Variants in SH3BP4 observed in about 807,000 individuals in gnomAD.
SH3BP4 encodes SH3 domain binding protein 4, also known as SH3 domain-binding protein 4.
In SH3BP4, 33 loss-of-function variants were observed where a neutral mutation model predicts 65.5. That is an observed-to-expected ratio of 0.50 (90% CI 0.38 to 0.67). The LOEUF (loss-of-function observed/expected upper bound fraction) is 0.67. SH3BP4 is among the 30% of genes least tolerant of loss of function. The probability of loss-of-function intolerance (pLI) is 0.00; values close to 1 mark genes in which losing one functional copy is unlikely to be tolerated. For missense variants in SH3BP4, 1,134 were observed against 1,261.4 expected (o/e 0.90, Z 1.53); for synonymous variants, 552 against 545.5 (o/e 1.01, Z -0.17).
rs1291942729 is a variant in SH3BP4 at position 234,991,467 on chromosome 2, GT to G, written c.-206-3831del. Among the ~76,000 whole-genome samples, 1 of 152,198 alleles carries G rather than the reference GT, an allele frequency of 6.6e-6. No homozygotes were observed. The highest frequency in any genetic ancestry group is 6.5e-5 in the Admixed American group (1 of 15,288). The stretch of plus-strand genomic sequence containing the variant: ...AGAATCTTGTCTTCTTGGCATTGTG[GT>G]TTTTGGAGATTTGCCCCAAATCATG... On this transcript the variant is annotated intron_variant, in intron 1 of 5. Transcript: ENST00000392011. The surrounding 1 kb of genome is among the most constrained non-coding windows in gnomAD (Gnocchi z 4.2).
chr2:235,053,429 G>T (rs1474685786), intron 5 of SH3BP4, among the ~76,000 whole-genome samples, 163 bp from the exon 6 acceptor site: 1 of 152,198 alleles, frequency 6.6e-6, no homozygotes. Flanking sequence ...CCCTGGCCCC[G>T]AGATGGTTCC....
At chr2:234,961,356 C>G (rs1692703886) in intron 1 of SH3BP4, among the ~76,000 whole-genome samples, 1 of 152,168 alleles carries the variant, frequency 6.6e-6, no homozygotes, top group South Asian at 2.1e-4. Flanking sequence ...ACTGAAATCT[C>G]CACCCACTGA....
intron 2 of SH3BP4, among the ~76,000 whole-genome samples, chr2:235,027,162 TGGGAGGGACACCAGTCG>T (rs995278938): frequency 1.3e-5 from 2 of 152,230 alleles, no homozygotes; most frequent in African/African-American, 2.4e-5. Flanking sequence ...AGAAGCATCC[TGGGAGGGACACCAGTCG>T]GGTGTTGACT....
chr2:235,041,560 G>A lies in SH3BP4; in HGVS notation c.791G>A (p.Ser264Asn), dbSNP rs1010631072. The A allele has an allele frequency of 3.1e-6, 5 of 1,614,128 alleles. No homozygotes were observed. The Admixed American group carries it at 8.3e-5, about 27-fold the overall frequency. ...AAGTCCGATGCTCCCACATCGTCGAGTTTCTTCACCGGCTTGAAATCACCT... is the reference window on the plus strand; with the variant it reads ...AAGTCCGATGCTCCCACATCGTCGAATTTCTTCACCGGCTTGAAATCACCT... ...QAKSDAPTSSSFFTGLKSPAP... is the reference protein window; with the variant it reads ...QAKSDAPTSSNFFTGLKSPAP... Residue 264 changes from serine (S) to asparagine (N), a missense_variant, in exon 4 of 6, where the codon AGT (serine) becomes AAT (asparagine). By Grantham distance (46) the Ser-to-Asn change is conservative. Coordinates refer to ENST00000392011, the MANE Select transcript of SH3BP4 (RefSeq NM_014521.3). This position sits in a 1 kb window ranked among gnomAD's most constrained non-coding sequence, Gnocchi z 6.0.
rs146743276 is a variant in SH3BP4, at chr2:235,015,441, C to T, written c.-132-19430C>T. ...GGAGCCCTCGCTGCTGTTGTCCCTC[C>T]CTATGGTCGATGGGGACAGTGAGGC... is the stretch of plus-strand genomic sequence containing the variant. On this transcript the variant is annotated intron_variant, in intron 2 of 5. Coordinates refer to ENST00000392011, the MANE Select transcript of SH3BP4 (RefSeq NM_014521.3). Among the ~76,000 whole-genome samples the T allele has an allele frequency of 4.9e-4, 75 of 152,322 alleles. No individual in the cohort carries two copies. In the East Asian group the frequency reaches 0.013, roughly 27 times the overall value.
At chr2:235,012,706 C>T (rs1351462784) in intron 2 of SH3BP4, among the ~76,000 whole-genome samples, 2 of 152,230 alleles carry the variant, frequency 1.3e-5, no homozygotes. Flanking sequence ...GCATTACGCA[C>T]ATCTAACCCT....
chr2:235,043,393 C>T, intron 4 of SH3BP4, 146 bp downstream of exon 4: 3 of 560,168 alleles, frequency 5.4e-6, no homozygotes, highest in Non-Finnish European at 9.5e-6. Flanking sequence ...GAGATAGGTG[C>T]GGCTCAGCAC....
At position 235,053,850 on chromosome 2, in the gene SH3BP4, C is replaced by T. The variant is rs1278804770; in HGVS notation, c.*34C>T. On this transcript the variant is annotated 3_prime_UTR_variant, in exon 6 of 6. Coordinates refer to ENST00000392011, the MANE Select transcript of SH3BP4 (RefSeq NM_014521.3). ...CCTCCCCTCCTGCTGCTCTGGAGTG[C>T]AAGCCCTCTTCTGCCCTGCGTGCCC... The T allele has an allele frequency of 1.3e-6, 2 of 1,516,834 alleles. No homozygotes were observed. The highest frequency in any genetic ancestry group is 1.8e-6 in the Non-Finnish European group (2 of 1,091,640). The allele number at this position is 1,516,834 out of a possible 1,614,324, so 94.0% of individuals were successfully genotyped here. A position where few individuals can be genotyped will look rare whatever the true frequency, so the allele number is the denominator to read the frequency against.
chr2:234,971,807 CTTTTTCTT>C (rs1476133419), intron 1 of SH3BP4, among the ~76,000 whole-genome samples: 1 of 151,974 alleles, frequency 6.6e-6, no homozygotes, highest in African/African-American at 2.4e-5. Flanking sequence ...TAAAGTTTTC[CTTTTTCTT>C]TTTTTCTTTT....
chr2:234,957,233 G>A (rs184196258), intron 1 of SH3BP4, among the ~76,000 whole-genome samples: 169 of 152,184 alleles, frequency 1.1e-3, no homozygotes, highest in African/African-American at 4.0e-3. Context: ...TGGCTAGGCT[G>A]GTCTTGAACT....
chr2:235,018,933 T>C (rs943551297), intron 2 of SH3BP4, among the ~76,000 whole-genome samples: 1 of 152,140 alleles, frequency 6.6e-6, no homozygotes, highest in Non-Finnish European at 1.5e-5. Flanking sequence ...AGTGGTCAGA[T>C]AGACCTTTCT....
chr2:234,959,715 G>T (rs1336201912), intron 1 of SH3BP4, among the ~76,000 whole-genome samples: 1 of 147,778 alleles, frequency 6.8e-6, no homozygotes, highest in Non-Finnish European at 1.5e-5. Flanking sequence ...GCAATGGCAC[G>T]ATCTCGGCTG....
rs1259091447 is a variant in SH3BP4 at position 235,053,953 on chromosome 2, C to T, written c.*137C>T. The T allele has an allele frequency of 3.1e-6, 2 of 653,082 alleles. No individual in the cohort carries two copies. Among genetic ancestry groups the T allele is most frequent in the Non-Finnish European group, 2.6e-6 (1 of 377,470 alleles). The allele number at this position is 653,082 out of a possible 1,614,324, so 40.5% of individuals were successfully genotyped here. A position where few individuals can be genotyped will look rare whatever the true frequency, so the allele number is the denominator to read the frequency against. ...TTAGGGCCCGCCAGCTAGGCTACACCCATCATGCGCCGCCCTCCTCCATCG... is the reference window on the plus strand; with the variant it reads ...TTAGGGCCCGCCAGCTAGGCTACACTCATCATGCGCCGCCCTCCTCCATCG... On this transcript the variant is annotated 3_prime_UTR_variant, in exon 6 of 6. Transcript: ENST00000392011.
chr2:235,019,436 T>G (rs1694784493), intron 2 of SH3BP4, among the ~76,000 whole-genome samples: 1 of 145,708 alleles, frequency 6.9e-6, no homozygotes, highest in Non-Finnish European at 1.5e-5. Flanking sequence ...AGGGCGAATT[T>G]TTTTTTTTTT....
chr2:235,042,480 C>T lies in SH3BP4; in HGVS notation c.1711C>T (p.Arg571Cys), dbSNP rs771797449. 5.6e-6 allele frequency: 9 copies of T among 1,614,052 alleles called. No homozygotes were observed. Among genetic ancestry groups the T allele is most frequent in the Admixed American group, 3.3e-5 (2 of 60,000 alleles). The change falls in exon 4 of 6, where the codon CGC becomes TGC. Residue 571 changes from arginine to cysteine, a missense_variant. By Grantham distance (180) the Arg-to-Cys change is radical. Transcript: ENST00000392011. This position sits in a 1 kb window ranked among gnomAD's most constrained non-coding sequence, Gnocchi z 7.3. ...GFQLKLGKVS[R>C]LIFPITSQNP... Reference sequence around the variant, plus strand: ...CCAGCTGAAGCTGGGCAAGGTGAGCCGCCTGATCTTCCCCATCACCTCCCA... The same window carrying T: ...CCAGCTGAAGCTGGGCAAGGTGAGCTGCCTGATCTTCCCCATCACCTCCCA...
intron 1 of SH3BP4, among the ~76,000 whole-genome samples, chr2:234,971,288 A>G (rs1403739005): frequency 1.3e-5 from 2 of 152,254 alleles, no homozygotes; most frequent in African/African-American, 4.8e-5. Flanking sequence ...TTCACTTAGC[A>G]TAGTGTCTTC....
intron 2 of SH3BP4, among the ~76,000 whole-genome samples, chr2:235,000,430 G>A (rs761889174): frequency 2.0e-5 from 3 of 152,164 alleles, no homozygotes; most frequent in Admixed American, 6.5e-5. Flanking sequence ...TCTGGGCCCC[G>A]CCCTTTGGTT....
At position 235,035,214 on chromosome 2, in the gene SH3BP4, T is replaced by A. The variant is rs1695340265; in HGVS notation, c.118+94T>A. The A allele has an allele frequency of 1.1e-6, 1 of 892,202 alleles. No individual in the cohort carries two copies. Among genetic ancestry groups the A allele is most frequent in the African/African-American group, 1.6e-5 (1 of 60,734 alleles). The allele number at this position is 892,202 out of a possible 1,614,324, so 55.3% of individuals were successfully genotyped here. A position where few individuals can be genotyped will look rare whatever the true frequency, so the allele number is the denominator to read the frequency against. Reference sequence around the variant, plus strand: ...CTTTTCTGCTTTAAAGATTGCCAGTTTAGCATTCAGATAGTTAAAGTTTAG... The same window carrying A: ...CTTTTCTGCTTTAAAGATTGCCAGTATAGCATTCAGATAGTTAAAGTTTAG... On this transcript the variant is annotated intron_variant, in intron 3 of 5. Coordinates refer to ENST00000392011, the MANE Select transcript of SH3BP4 (RefSeq NM_014521.3). This position sits in a 1 kb window ranked among gnomAD's most constrained non-coding sequence, Gnocchi z 5.0.
chr2:235,023,843 G>A (rs1429737595), intron 2 of SH3BP4, among the ~76,000 whole-genome samples: 1 of 152,106 alleles, frequency 6.6e-6, no homozygotes, highest in Non-Finnish European at 1.5e-5. Flanking sequence ...GAATTGTAAT[G>A]GCTGCACAGC....
Sources: allele counts gnomAD v4.1 joint callset (sites outside exome capture counted in the v4.1 genomes callset), GRCh38; gene constraint gnomAD v4.1.1; non-coding constraint Gnocchi (gnomAD v3.1); transcripts MANE v1.5; gene names NCBI Gene and HGNC (gene_info 2026-07-23, HGNC 2026-07-21).